SLC35A5: variants seen among roughly 807,000 people sequenced by gnomAD.
SLC35A5 encodes UDP-sugar transporter protein SLC35A5.
In SLC35A5, 28 loss-of-function variants were observed where a neutral mutation model predicts 36.3. That is an observed-to-expected ratio of 0.77 (90% confidence interval 0.57 to 1.06). SLC35A5 has a LOEUF of 1.06. Ranked by LOEUF, SLC35A5 falls within the 50% of genes least tolerant of loss-of-function variation. SLC35A5 has a pLI of 0.00. For synonymous variants in SLC35A5, 180 were observed against 173.7 expected (o/e 1.04, Z -0.29); for missense variants, 521 against 499.3 (o/e 1.04, Z -0.41).
At chr3:112,565,262 G>A (rs1934143931) in intron 2 of SLC35A5, among the ~76,000 whole-genome samples, 1 of 152,202 alleles carries the variant, frequency 6.6e-6, no homozygotes, top group East Asian at 1.9e-4. Flanking sequence ...AAGATGCAGA[G>A]ATTGTCTAGA....
intron 4 of SLC35A5, 108 bp from the exon 5 acceptor site, chr3:112,573,781 C>T (rs1183096885): frequency 1.2e-6 from 1 of 812,804 alleles, no homozygotes; most frequent in Non-Finnish European, 2.1e-6. Flanking sequence ...AATAACCCCT[C>T]TGTTTTTTGA....
chr3:112,565,667 A>G (rs1303125514), intron 2 of SLC35A5, among the ~76,000 whole-genome samples: 1 of 152,194 alleles, frequency 6.6e-6, no homozygotes, highest in Non-Finnish European at 1.5e-5. Context: ...AATCCCAGCT[A>G]TGAGGGAGAC....
upstream of SLC35A5, chr3:112,561,724 G>A (rs1933896289): frequency 1.7e-6 from 1 of 588,084 alleles, no homozygotes; most frequent in Non-Finnish European, 2.9e-6. Flanking sequence ...GCGCGAAGAC[G>A]GGGTGCGCGA....
At chr3:112,575,844 C>T (rs1289736263) in intron 5 of SLC35A5, among the ~76,000 whole-genome samples, 1 of 149,988 alleles carries the variant, frequency 6.7e-6, no homozygotes, top group African/African-American at 2.5e-5. Flanking sequence ...ATTGCAACCT[C>T]CTCTTCCCGT....
At chr3:112,561,946 G>A (rs777144182), upstream of SLC35A5, 5 of 218,766 alleles carry the variant, frequency 2.3e-5, no homozygotes, top group South Asian at 2.8e-4. Context: ...GCCGCCACCG[G>A]GGCCTCACGT....
intron 5 of SLC35A5, among the ~76,000 whole-genome samples, chr3:112,574,992 T>C (rs1447347887): frequency 6.6e-6 from 1 of 152,156 alleles, no homozygotes; most frequent in Non-Finnish European, 1.5e-5. Flanking sequence ...TGAAAATAAT[T>C]CTTTAACTAA....
chr3:112,567,481 A>G (rs899896042), intron 2 of SLC35A5, among the ~76,000 whole-genome samples: 1 of 152,108 alleles, frequency 6.6e-6, no homozygotes, highest in African/African-American at 2.4e-5. Flanking sequence ...TTTAGTAGAT[A>G]CGTGGTTTCA....
At chr3:112,567,506 C>T (rs1351604529) in intron 2 of SLC35A5, among the ~76,000 whole-genome samples, 3 of 152,102 alleles carry the variant, frequency 2.0e-5, no homozygotes, top group African/African-American at 2.4e-5. Flanking sequence ...GTTGACCAGA[C>T]GTGGTTTTAC....
At position 112,580,962 on chromosome 3, in the gene SLC35A5, C is replaced by G; in HGVS notation, c.845C>G (p.Thr282Ser). Reference protein sequence around the residue: ...YFFGILFNGLTLGLQRSNRDQ... With the variant: ...YFFGILFNGLSLGLQRSNRDQ... The stretch of plus-strand genomic sequence containing the variant: ...TTTGGCATTCTGTTTAATGGGCTGA[C>G]TCTGGGCCTTCAGAGGAGTAACCGT... The change falls in exon 6 of 7, where the codon ACT becomes AGT. Residue 282 changes from threonine to serine, a missense_variant. Transcript: ENST00000492406. 6.2e-7 allele frequency: 1 copy of G among 1,614,124 alleles called. No individual in the cohort carries two copies. The highest frequency in any genetic ancestry group is 8.5e-7 in the Non-Finnish European group (1 of 1,179,992).
rs1934045488 is a variant in SLC35A5, at chr3:112,563,548, G to C, written c.130+15G>C. 6.3e-7 allele frequency: 1 copy of C among 1,586,692 alleles called. No individual in the cohort carries two copies. Among genetic ancestry groups the C allele is most frequent in the Non-Finnish European group, 8.6e-7 (1 of 1,159,862 alleles). ...TGCCAATGAAGGTAAGTTAAGACTT[G>C]GTATATGCATGGAGCACTTCCATCT... On this transcript the variant is annotated intron_variant, in intron 2 of 6. Coordinates refer to ENST00000492406, the MANE Select transcript of SLC35A5 (RefSeq NM_017945.5).
At chr3:112,563,664 TA>T (rs1934055475) in intron 2 of SLC35A5, 131 bp downstream of exon 2, 4 of 973,350 alleles carry the variant, frequency 4.1e-6, no homozygotes, top group Non-Finnish European at 5.5e-6. Flanking sequence ...AAAGCATATT[TA>T]AATTTGATTA....
At chr3:112,574,054 G>A (rs1232216999) in intron 5 of SLC35A5, 98 bp downstream of exon 5, 3 of 1,112,616 alleles carry the variant, frequency 2.7e-6, no homozygotes, top group Non-Finnish European at 4.0e-6. Flanking sequence ...GAATCCCAAA[G>A]CCAGGATTTT....
At chr3:112,575,673 ATC>A (rs567004435) in intron 5 of SLC35A5, among the ~76,000 whole-genome samples, 2 of 151,942 alleles carry the variant, frequency 1.3e-5, no homozygotes, top group South Asian at 2.1e-4. Flanking sequence ...TGTTGTTAAC[ATC>A]TCTCTGTTTT....
chr3:112,561,620 C>G, upstream of SLC35A5: 7 of 1,313,242 alleles, frequency 5.3e-6, no homozygotes, highest in Non-Finnish European at 7.4e-6. Context: ...TCGCTGCCAC[C>G]GACTCGCATC....
Position 112,582,786 on chromosome 3 carries a change from C to A in SLC35A5, c.*50C>A, listed in dbSNP as rs1429595279. 3 of 1,398,922 alleles carry A rather than the reference C, an allele frequency of 2.1e-6. No individual in the cohort carries two copies. The African/African-American group carries it at 4.3e-5, about 20-fold the overall frequency. 86.7% of individuals were successfully genotyped at this position (1,398,922 alleles called of 1,614,324 possible). A position where few individuals can be genotyped will look rare whatever the true frequency, so the allele number is the denominator to read the frequency against. ...CTCTTGAACCTTATTTTCACATTTTCAGTGTTTGTAATATTTATCTTTTCA... is the reference window on the plus strand; with the variant it reads ...CTCTTGAACCTTATTTTCACATTTTAAGTGTTTGTAATATTTATCTTTTCA... On this transcript the variant is annotated 3_prime_UTR_variant, in exon 7 of 7. Transcript: ENST00000492406.
In SLC35A5 at chr3:112,573,872, C is replaced by A; in HGVS notation, c.361-17C>A. On this transcript the variant is annotated splice_polypyrimidine_tract_variant and intron_variant, in intron 4 of 6. Transcript: ENST00000492406. Reference sequence around the variant, plus strand: ...TACTTCATTTGGATTGTAACTCTATCTTCTCTTTCTTTCTAGGCCATGGCT... The same window carrying A: ...TACTTCATTTGGATTGTAACTCTATATTCTCTTTCTTTCTAGGCCATGGCT... 1 of 1,602,876 alleles carries A rather than the reference C, an allele frequency of 6.2e-7. No homozygotes were observed. The highest frequency in any genetic ancestry group is 8.5e-7 in the Non-Finnish European group (1 of 1,170,080).
rs1291855312 is a variant in SLC35A5, at chr3:112,569,235, CT to C, written c.196del (p.Cys66ValfsTer9). The stretch of plus-strand genomic sequence containing the variant: ...GCTCAGAACTGGTGAAGCTAGTTTT[CT>C]GTGTGCTTGTGTCATTCTGTGTTAT... ...VCSELVKLVFCVLVSFCVIKK... is the reference protein window; with the variant it reads ...VCSELVKLVFXVLVSFCVIKK... On this transcript the variant is annotated frameshift_variant, in exon 3 of 7. Transcript: ENST00000492406. LOFTEE classifies it high-confidence loss of function. 37 of 1,613,836 alleles carry C rather than the reference CT, an allele frequency of 2.3e-5. No individual in the cohort carries two copies. Among genetic ancestry groups the C allele is most frequent in the Non-Finnish European group, 3.1e-5 (36 of 1,179,922 alleles).
Position 112,563,447 on chromosome 3 carries a change from C to T in SLC35A5, c.44C>T (p.Ser15Leu), listed in dbSNP as rs921681075. ...AGTCATCCTGTAATATGCTCCTTGTCAACAATGTATACATTCCTGCTAGGT... is the reference window on the plus strand; with the variant it reads ...AGTCATCCTGTAATATGCTCCTTGTTAACAATGTATACATTCCTGCTAGGT... ...CCSHPVICSL[S>L]TMYTFLLGAI... The change falls in exon 2 of 7, where the codon TCA becomes TTA. Residue 15 changes from serine (S) to leucine (L), a missense_variant. Coordinates refer to ENST00000492406, the MANE Select transcript of SLC35A5 (RefSeq NM_017945.5). The T allele has an allele frequency of 1.9e-6, 3 of 1,595,172 alleles. No homozygotes were observed. The highest frequency in any genetic ancestry group is 2.7e-5 in the African/African-American group (2 of 74,688).
chr3:112,581,159 G>C lies in SLC35A5; in HGVS notation c.1042G>C (p.Val348Leu). 2 of 1,613,968 alleles carry C rather than the reference G, an allele frequency of 1.2e-6. No individual in the cohort carries two copies. The highest frequency in any genetic ancestry group is 1.7e-6 in the Non-Finnish European group (2 of 1,179,920). Residue 348 changes from valine to leucine, a missense_variant, in exon 6 of 7, where the codon GTC becomes CTC. Physicochemically the swap from Val to Leu is conservative, Grantham distance 32. Coordinates refer to ENST00000492406, the MANE Select transcript of SLC35A5 (RefSeq NM_017945.5). The stretch of plus-strand genomic sequence containing the variant: ...CACTGTCATTATCACAACAGTGTCT[G>C]TCCTGGTCTTTGACTTCAGGCCCTC... ...VTTVIITTVS[V>L]LVFDFRPSLE...
Sources: allele counts gnomAD v4.1 joint callset (sites outside exome capture counted in the v4.1 genomes callset), GRCh38; gene constraint gnomAD v4.1.1; transcripts MANE v1.5; gene names NCBI Gene and HGNC (gene_info 2026-07-23, HGNC 2026-07-21).